Variants in CNTRL observed in about 807,000 individuals in gnomAD.
CNTRL encodes 110 kDa centrosomal protein.
A neutral mutation model predicts 303.7 loss-of-function variants in CNTRL; 233 were observed. The ratio of observed to expected loss-of-function variants is 0.77; its 90% CI spans 0.69 to 0.86. The LOEUF (loss-of-function observed/expected upper bound fraction) is 0.86, where lower values mean the gene tolerates loss of function less well. CNTRL is among the 40% of genes least tolerant of loss of function. The pLI is 0.00. For synonymous variants in CNTRL, 900 were observed against 922.2 expected (o/e 0.98, Z 0.44); for missense variants, 2,524 against 2,650.6 (o/e 0.95, Z 1.05).
At chr9:121,163,188 A>T (rs565388632) in intron 34 of CNTRL, among the ~76,000 whole-genome samples, 100 of 135,540 alleles carry the variant, frequency 7.4e-4, no homozygotes, top group Middle Eastern at 7.6e-3. Flanking sequence ...AAAAAAAAAA[A>T]AATAATAATA....
At chr9:121,118,066 TTTA>T (rs1373875142) in intron 11 of CNTRL, among the ~76,000 whole-genome samples, 15 of 152,062 alleles carry the variant, frequency 9.9e-5, no homozygotes, top group African/African-American at 3.4e-4. Flanking sequence ...TAATACTATG[TTTA>T]TTATTAATAA....
intron 42 of CNTRL, 23 bp from the exon 43 acceptor site, chr9:121,174,995 C>T: frequency 6.2e-7 from 1 of 1,606,870 alleles, no homozygotes; most frequent in Non-Finnish European, 8.5e-7. Context: ...GTGTAAAACC[C>T]TAAGTCTTAT....
Position 121,149,637 on chromosome 9 carries a change from C to T in CNTRL, c.3650-533C>T, listed in dbSNP as rs141864621. Among the ~76,000 whole-genome samples the T allele has an allele frequency of 2.6e-3, 388 of 152,100 alleles. 1 individual carries two copies. The highest frequency in any genetic ancestry group is 9.1e-3 in the African/African-American group (379 of 41,482). ...AGACAGGCTGGTCTCGAACTCCTGA[C>T]CTCAAGTGATCTGCCTGCCTCGGCC... On this transcript the variant is annotated intron_variant, in intron 24 of 43. Coordinates refer to ENST00000373855, the MANE Select transcript of CNTRL (RefSeq NM_007018.6).
At chr9:121,114,866 G>A (rs1371808970) in intron 10 of CNTRL, among the ~76,000 whole-genome samples, 2 of 152,186 alleles carry the variant, frequency 1.3e-5, no homozygotes, top group African/African-American at 4.8e-5. Flanking sequence ...CAAATAAAAG[G>A]ATCAATTATA....
rs199941939 is a variant in CNTRL, at chr9:121,168,288, T to G, written c.6037T>G (p.Cys2013Gly). Residue 2013 changes from cysteine to glycine, a missense_variant, in exon 38 of 44, where the codon TGT (cysteine) becomes GGT (glycine). Physicochemically the swap from Cys to Gly is radical, Grantham distance 159. Transcript: ENST00000373855. The part of the protein sequence containing the change: ...VRTLQEEERW[C>G]ESLEKTLSQT... Reference sequence around the variant, plus strand: ...GACTCTGCAGGAAGAGGAGAGGTGGTGTGAGAGCCTGGAGAAGACACTCTC... The same window carrying G: ...GACTCTGCAGGAAGAGGAGAGGTGGGGTGAGAGCCTGGAGAAGACACTCTC... The G allele has an allele frequency of 6.2e-7, 1 of 1,614,022 alleles. No individual in the cohort carries two copies. Among genetic ancestry groups the G allele is most frequent in the Non-Finnish European group, 8.5e-7 (1 of 1,179,990 alleles).
At chr9:121,104,959 C>T (rs2049392435) in intron 7 of CNTRL, among the ~76,000 whole-genome samples, 1 of 152,106 alleles carries the variant, frequency 6.6e-6, no homozygotes, top group African/African-American at 2.4e-5. Flanking sequence ...ATCCGCCTGC[C>T]TCGGCCTCCC....
chr9:121,150,328 C>G lies in CNTRL; in HGVS notation c.3808C>G (p.Pro1270Ala). ...MALYAPPPPLPNNSRPLTPGT... is the reference protein window; with the variant it reads ...MALYAPPPPLANNSRPLTPGT... ...CCTGTATGCACCACCTCCTCCCTTG[C>G]CAAACAATAGCCGACCTCTCACCCC... Residue 1270 changes from proline (P) to alanine (A), a missense_variant, in exon 25 of 44, where the codon CCA becomes GCA. Pro to Ala is a conservative substitution (Grantham distance 27). Coordinates refer to ENST00000373855, the MANE Select transcript of CNTRL (RefSeq NM_007018.6). 6.2e-7 allele frequency: 1 copy of G among 1,614,158 alleles called. No individual in the cohort carries two copies. The highest frequency in any genetic ancestry group is 8.5e-7 in the Non-Finnish European group (1 of 1,180,022).
intron 21 of CNTRL, 138 bp from the exon 22 acceptor site, chr9:121,145,106 G>C: frequency 8.6e-7 from 1 of 1,162,552 alleles, no homozygotes. Flanking sequence ...GCCAGGCTTG[G>C]TGCAGTTTCC....
intron 2 of CNTRL, among the ~76,000 whole-genome samples, chr9:121,086,426 A>C (rs1248798511): frequency 6.6e-6 from 1 of 152,198 alleles, no homozygotes; most frequent in African/African-American, 2.4e-5. Context: ...GCAACAGTTG[A>C]GCTGATCTCT....
At chr9:121,170,000 G>T (rs1297660896) in intron 39 of CNTRL, among the ~76,000 whole-genome samples, 184 bp downstream of exon 39, 1 of 152,166 alleles carries the variant, frequency 6.6e-6, no homozygotes, top group African/African-American at 2.4e-5. Flanking sequence ...CCTGGGACGG[G>T]TGCAGCCTCA....
chr9:121,140,907 G>T, intron 17 of CNTRL, 121 bp downstream of exon 17: 2 of 937,804 alleles, frequency 2.1e-6, no homozygotes, highest in Non-Finnish European at 1.5e-6. Context: ...TCTTTTGTAA[G>T]GTTCTCCTTA....
At chr9:121,091,914 G>C (rs1422920775) in intron 4 of CNTRL, among the ~76,000 whole-genome samples, 1 of 142,024 alleles carries the variant, frequency 7.0e-6, no homozygotes, top group Non-Finnish European at 1.5e-5. Context: ...TTTGAGACAG[G>C]GTCTCACTCT....
rs1461631646 is a variant in CNTRL at position 121,177,605 on chromosome 9, A to G, written c.*419A>G. 5.2e-6 allele frequency: 1 copy of G among 192,452 alleles called. No homozygotes were observed. Among genetic ancestry groups the G allele is most frequent in the African/African-American group, 2.3e-5 (1 of 42,930 alleles). 11.9% of individuals were successfully genotyped at this position (192,452 alleles called of 1,614,324 possible). ...TTTTCATATGAAAATAAAAGATAAC[A>G]ATCAACTTGGGTCTGTCCTCTGACT... is the stretch of plus-strand genomic sequence containing the variant. On this transcript the variant is annotated 3_prime_UTR_variant, in exon 44 of 44. Transcript: ENST00000373855.
intron 36 of CNTRL, among the ~76,000 whole-genome samples, chr9:121,167,280 C>T (rs1191676044): frequency 6.7e-6 from 1 of 149,674 alleles, no homozygotes. Context: ...CACTGCACTC[C>T]AGCCTTGGCA....
intron 31 of CNTRL, among the ~76,000 whole-genome samples, 173 bp downstream of exon 31, chr9:121,159,192 T>G (rs759078375): frequency 6.6e-6 from 1 of 152,156 alleles, no homozygotes; most frequent in Non-Finnish European, 1.5e-5. Flanking sequence ...CATGTGTAGT[T>G]CCCCCTCTGT....
In CNTRL at chr9:121,160,145, A is replaced by G. The variant is rs2052777546; in HGVS notation, c.4932A>G (p.Glu1644=). The change falls in exon 32 of 44, where the codon GAA becomes GAG. Residue 1644 remains glutamate, a splice_region_variant and synonymous_variant. Transcript: ENST00000373855. ...AACTTTTTTTTTTTCAAACACAGGA[A>G]GTAAAATCTCTTCTGGAAGAACTGA... ...EVTEKCNHIR[E]VKSLLEELSF... is the part of the protein sequence containing the mutation. 2.7e-6 allele frequency: 4 copies of G among 1,469,504 alleles called. No individual in the cohort carries two copies. The highest frequency in any genetic ancestry group is 3.6e-6 in the Non-Finnish European group (4 of 1,113,926). The allele number at this position is 1,469,504 out of a possible 1,614,324, so 91.0% of individuals were successfully genotyped here.
rs74694894 is a variant in CNTRL at position 121,079,271 on chromosome 9, A to G, written c.-204-1035A>G. 2.5e-3 allele frequency among the ~76,000 whole-genome samples: 378 copies of G among 152,356 alleles called. 3 individuals carry two copies. In the East Asian group the frequency reaches 0.04, roughly 16 times the overall value. On this transcript the variant is annotated intron_variant, in intron 1 of 43. Transcript: ENST00000373855. ...AAAAAGCCTTGTGGAAATGGCATAAATAGCAGTTATGTAACTTGGGGGAGT... is the reference window on the plus strand; with the variant it reads ...AAAAAGCCTTGTGGAAATGGCATAAGTAGCAGTTATGTAACTTGGGGGAGT...
At chr9:121,104,262 A>G (rs1175332903) in intron 7 of CNTRL, among the ~76,000 whole-genome samples, 3 of 152,202 alleles carry the variant, frequency 2.0e-5, no homozygotes, top group Non-Finnish European at 2.9e-5. Context: ...ATTCTTTGCA[A>G]ACTGTCACAA....
rs74792984 is a variant in CNTRL, at chr9:121,148,600, A to G, written c.3460-72A>G. 943 of 1,392,296 alleles carry G rather than the reference A, an allele frequency of 6.8e-4. 3 individuals are homozygous for G. The East Asian group carries it at 0.02, about 29-fold the overall frequency. The allele number at this position is 1,392,296 out of a possible 1,614,324, so 86.2% of individuals were successfully genotyped here. A position where few individuals can be genotyped will look rare whatever the true frequency, so the allele number is the denominator to read the frequency against. The stretch of plus-strand genomic sequence containing the variant: ...CCTTGCTACATCTCAACTTTGCTGT[A>G]GACTTTGACGTTTCTTAAAATCAGC... On this transcript the variant is annotated intron_variant, in intron 23 of 43. Coordinates refer to ENST00000373855, the MANE Select transcript of CNTRL (RefSeq NM_007018.6).
Sources: allele counts gnomAD v4.1 joint callset (sites outside exome capture counted in the v4.1 genomes callset), GRCh38; gene constraint gnomAD v4.1.1; transcripts MANE v1.5; gene names NCBI Gene and HGNC (gene_info 2026-07-23, HGNC 2026-07-21).